SLC25A26: variants seen among roughly 807,000 people sequenced by gnomAD.
SLC25A26 encodes the protein mitochondrial S-adenosylmethionine carrier protein.
SLC25A26 carries 36 observed loss-of-function variants against 37.8 expected under a neutral mutation model. That is an observed-to-expected ratio of 0.95 (90% CI 0.73 to 1.26). The LOEUF (loss-of-function observed/expected upper bound fraction) is 1.26. SLC25A26 is among the 50% of genes most tolerant of loss of function. SLC25A26 has a pLI of 0.00. For synonymous variants in SLC25A26, 129 were observed against 122.5 expected, an observed-to-expected ratio of 1.05 and a Z score of -0.35; for missense variants, 390 against 331.1, an observed-to-expected ratio of 1.18 and a Z score of -1.38.
intron 1 of SLC25A26, among the ~76,000 whole-genome samples, chr3:66,234,266 T>C (rs2072170517): frequency 6.6e-6 from 1 of 152,218 alleles, no homozygotes; most frequent in Admixed American, 6.5e-5. Context: ...CTCTACTTAC[T>C]GAATTTTATA....
intron 3 of SLC25A26, among the ~76,000 whole-genome samples, chr3:66,247,086 G>A (rs2072881291): frequency 6.6e-6 from 1 of 151,786 alleles, no homozygotes; most frequent in Admixed American, 6.6e-5. Flanking sequence ...GGATGGTCTT[G>A]ATCTCCTGAC....
At chr3:66,369,343 A>T in intron 7 of SLC25A26, 135 bp from the exon 8 acceptor site, 1 of 694,592 alleles carries the variant, frequency 1.4e-6, no homozygotes, top group East Asian at 2.7e-5. Flanking sequence ...AAGATTGTGC[A>T]TGTGTGCATC....
At chr3:66,295,914 C>T (rs957211465) in intron 5 of SLC25A26, among the ~76,000 whole-genome samples, 4 of 151,828 alleles carry the variant, frequency 2.6e-5, no homozygotes, top group South Asian at 2.1e-4. Context: ...GTCAGGAGTT[C>T]GAGACCAGCC....
In SLC25A26 at chr3:66,346,715, C is replaced by T. The variant is rs199824641; in HGVS notation, c.498+307C>T. Among the ~76,000 whole-genome samples the T allele has an allele frequency of 3.5e-4, 48 of 138,978 alleles. No individual in the cohort carries two copies. In the East Asian group the frequency reaches 7.4e-3, roughly 21 times the overall value. The allele number at this position is 138,978 out of a possible 152,430, so 91.2% of individuals were successfully genotyped here. On this transcript the variant is annotated intron_variant, in intron 6 of 9. Transcript: ENST00000354883. ...CCGTTAAATTTCATTTTGCTGTGTG[C>T]GTGTGTGTGTGTGTGTGTGTGTGTG... is the stretch of plus-strand genomic sequence containing the variant.
intron 1 of SLC25A26, among the ~76,000 whole-genome samples, chr3:66,159,278 G>T (rs2070324743): frequency 6.6e-6 from 1 of 152,288 alleles, no homozygotes; most frequent in South Asian, 2.1e-4. Context: ...TCTAGGGAAT[G>T]CTAGGCCTGA....
At chr3:66,248,104 A>G (rs952437068) in intron 3 of SLC25A26, among the ~76,000 whole-genome samples, 3 of 152,218 alleles carry the variant, frequency 2.0e-5, no homozygotes, top group Non-Finnish European at 4.4e-5. Flanking sequence ...ATATAGCCAC[A>G]GTTACTTTCT....
chr3:66,299,477 G>A (rs993452952), intron 5 of SLC25A26, among the ~76,000 whole-genome samples: 19 of 152,194 alleles, frequency 1.2e-4, no homozygotes, highest in Middle Eastern at 3.4e-3. Flanking sequence ...AGTGTGAGCC[G>A]ATGTGCTTGG....
chr3:66,287,928 C>G (rs756544613), intron 5 of SLC25A26, among the ~76,000 whole-genome samples: 1 of 152,214 alleles, frequency 6.6e-6, no homozygotes, highest in African/African-American at 2.4e-5. Flanking sequence ...CACTATCACT[C>G]AAACGTTTGC....
At chr3:66,231,492 T>C (rs2072028913) in intron 1 of SLC25A26, among the ~76,000 whole-genome samples, 1 of 152,084 alleles carries the variant, frequency 6.6e-6, no homozygotes, top group South Asian at 2.1e-4. Context: ...ATTCTTGTTA[T>C]TTAAAATTGT....
At chr3:66,243,341 C>T in intron 3 of SLC25A26, 29 bp downstream of exon 3, 1 of 1,121,506 alleles carries the variant, frequency 8.9e-7, no homozygotes, top group East Asian at 2.4e-5. Context: ...GTATAAAATA[C>T]TTCAGAAATG....
chr3:66,207,082 G>A lies in SLC25A26; in HGVS notation c.-353-13660G>A, dbSNP rs1040808779. ...TGTGGCGATCAGACTCAAAAGACTC[G>A]GTAGGCTTTAAAACCTAATACGATA... On this transcript the variant is annotated intron_variant, in intron 1 of 10. Coordinates refer to the SLC25A26 transcript ENST00000676754. 3.9e-3 allele frequency among the ~76,000 whole-genome samples: 584 copies of A among 151,626 alleles called. 5 individuals carry two copies. Among genetic ancestry groups the A allele is most frequent in the African/African-American group, 0.014 (562 of 41,372 alleles).
intron 3 of SLC25A26, among the ~76,000 whole-genome samples, chr3:66,257,143 A>G (rs1306381868): frequency 6.6e-6 from 1 of 152,146 alleles, no homozygotes; most frequent in Non-Finnish European, 1.5e-5. Context: ...TCAGATAAGA[A>G]AGCTTATTTG....
chr3:66,182,803 G>A (rs2070741416), intron 1 of SLC25A26, among the ~76,000 whole-genome samples: 1 of 151,778 alleles, frequency 6.6e-6, no homozygotes. Context: ...ATTAAAATGT[G>A]CCTTTAGGAG....
At chr3:66,204,213 C>T (rs1343255436) in intron 1 of SLC25A26, among the ~76,000 whole-genome samples, 2 of 151,956 alleles carry the variant, frequency 1.3e-5, no homozygotes, top group Non-Finnish European at 2.9e-5. Context: ...ATCACGAGGT[C>T]AGGAGATCGA....
chr3:66,288,459 G>A (rs1173794260), intron 5 of SLC25A26, among the ~76,000 whole-genome samples: 1 of 152,102 alleles, frequency 6.6e-6, no homozygotes, highest in Non-Finnish European at 1.5e-5. Context: ...TTATCCTGAT[G>A]CTATCCCTCC....
At chr3:66,310,802 GA>G (rs2075355357) in intron 5 of SLC25A26, among the ~76,000 whole-genome samples, 1 of 152,198 alleles carries the variant, frequency 6.6e-6, no homozygotes, top group Non-Finnish European at 1.5e-5. Context: ...TTTTCTTTAA[GA>G]ATGTTGAATA....
intron 5 of SLC25A26, among the ~76,000 whole-genome samples, chr3:66,267,059 C>T (rs1355463186): frequency 1.3e-5 from 2 of 152,192 alleles, no homozygotes; most frequent in African/African-American, 4.8e-5. Context: ...CTACAAGGAA[C>T]ATTTCTGCCC....
chr3:66,366,190 G>C (rs1473481588), intron 7 of SLC25A26, among the ~76,000 whole-genome samples: 1 of 152,172 alleles, frequency 6.6e-6, no homozygotes, highest in East Asian at 1.9e-4. Context: ...CAGATGCTTT[G>C]AACACAAAAG....
At chr3:66,256,952 T>C (rs1559623899) in intron 3 of SLC25A26, among the ~76,000 whole-genome samples, 1 of 152,222 alleles carries the variant, frequency 6.6e-6, no homozygotes, top group Non-Finnish European at 1.5e-5. Flanking sequence ...GAATTGATGA[T>C]TATTTTTTTG....
Sources: allele counts gnomAD v4.1 joint callset (sites outside exome capture counted in the v4.1 genomes callset), GRCh38; gene constraint gnomAD v4.1.1; transcripts MANE v1.5; gene names NCBI Gene and HGNC (gene_info 2026-07-23, HGNC 2026-07-21).